Variants in SNX29 observed in about 807,000 individuals in gnomAD.
The protein encoded by SNX29 is sorting nexin 29, also known as sorting nexin-29.
Under a neutral mutation model 102.1 loss-of-function variants are expected in SNX29, and 78 were observed. The ratio of observed to expected loss-of-function variants is 0.76; its 90% CI spans 0.64 to 0.92. The LOEUF (loss-of-function observed/expected upper bound fraction) is 0.92. Ranked by LOEUF, SNX29 falls within the 40% of genes least tolerant of loss-of-function variation. The pLI, the probability that SNX29 is intolerant of heterozygous loss-of-function variation, is 0.00. For synonymous variants in SNX29, 580 were observed against 414.5 expected (o/e 1.40, Z -4.85); for missense variants, 1,280 against 1,061.7 (o/e 1.21, Z -2.86).
chr16:12,153,697 C>T (rs780534882), intron 13 of SNX29, among the ~76,000 whole-genome samples: 2 of 150,632 alleles, frequency 1.3e-5, no homozygotes, highest in East Asian at 2.0e-4. Flanking sequence ...AGGCTGGTCT[C>T]GAACTCATGG....
chr16:11,978,143 C>G (rs2055343120), intron 1 of SNX29, among the ~76,000 whole-genome samples: 1 of 152,004 alleles, frequency 6.6e-6, no homozygotes, highest in African/African-American at 2.4e-5. Context: ...GTGAAATGGA[C>G]AGTCCTAATA....
At chr16:12,475,498 G>A (rs1462116355) in intron 18 of SNX29, among the ~76,000 whole-genome samples, 1 of 152,178 alleles carries the variant, frequency 6.6e-6, no homozygotes, top group Non-Finnish European at 1.5e-5. Context: ...CTTGACTTAT[G>A]ATGGGGTTAT....
intron 1 of SNX29, among the ~76,000 whole-genome samples, chr16:11,983,944 G>GCA (rs1488681842): frequency 6.6e-6 from 1 of 152,146 alleles, no homozygotes; most frequent in Non-Finnish European, 1.5e-5. Flanking sequence ...GATGTATAAA[G>GCA]CACAGATAGG....
chr16:12,500,774 C>G (rs2089081205), intron 19 of SNX29, among the ~76,000 whole-genome samples: 1 of 152,198 alleles, frequency 6.6e-6, no homozygotes, highest in Admixed American at 6.5e-5. Flanking sequence ...TTCACAGGCC[C>G]CCAGGTGGGT....
At chr16:12,266,974 G>T (rs1021462592) in intron 14 of SNX29, among the ~76,000 whole-genome samples, 11 of 152,022 alleles carry the variant, frequency 7.2e-5, no homozygotes, top group Non-Finnish European at 4.4e-5. Flanking sequence ...TGTTGGCCAG[G>T]CTGGTCTCGA....
chr16:12,435,310 T>G (rs1212868944), intron 18 of SNX29, among the ~76,000 whole-genome samples: 1 of 152,204 alleles, frequency 6.6e-6, no homozygotes, highest in East Asian at 1.9e-4. Context: ...CACTTCTGCC[T>G]TACAACTGTT....
chr16:12,560,144 C>A (rs891209840), intron 20 of SNX29, among the ~76,000 whole-genome samples: 4 of 43,282 alleles, frequency 9.2e-5, no homozygotes, highest in Non-Finnish European at 3.6e-4. Flanking sequence ...CTCCCCCCCC[C>A]AACAAACAGT....
chr16:12,280,480 A>C (rs893471830), intron 15 of SNX29, among the ~76,000 whole-genome samples: 3 of 152,196 alleles, frequency 2.0e-5, no homozygotes, highest in African/African-American at 4.8e-5. Flanking sequence ...AGGTTGAGGC[A>C]TGAAGGTTCG....
At chr16:12,058,526 C>G (rs1183061538) in intron 8 of SNX29, among the ~76,000 whole-genome samples, 1 of 126,814 alleles carries the variant, frequency 7.9e-6, no homozygotes, top group Admixed American at 8.9e-5. Context: ...TGGAGTCTCG[C>G]TCTGTCACCC....
chr16:12,551,976 T>C (rs1473726124), intron 20 of SNX29, among the ~76,000 whole-genome samples: 1 of 152,134 alleles, frequency 6.6e-6, no homozygotes, highest in Non-Finnish European at 1.5e-5. Context: ...CCCAACACAG[T>C]GCCATGTCAA....
At chr16:12,448,676 C>T (rs1214041861) in intron 18 of SNX29, among the ~76,000 whole-genome samples, 3 of 152,142 alleles carry the variant, frequency 2.0e-5, no homozygotes, top group African/African-American at 4.8e-5. Flanking sequence ...GACTTTATCG[C>T]ATTCCACCCT....
intron 18 of SNX29, among the ~76,000 whole-genome samples, chr16:12,473,989 G>A (rs1414583249): frequency 1.3e-5 from 2 of 152,120 alleles, no homozygotes; most frequent in East Asian, 1.9e-4. Context: ...TAATCAACTT[G>A]CTTTCATTTT....
At chr16:12,125,674 T>A (rs1479468944) in intron 11 of SNX29, among the ~76,000 whole-genome samples, 1 of 128,306 alleles carries the variant, frequency 7.8e-6, no homozygotes, top group East Asian at 2.7e-4. Context: ...ACCAGGCTGG[T>A]CCTGAACTCC....
rs372462302 is a variant in SNX29, at chr16:12,571,773, C to T, written c.*3144C>T. 4.0e-6 allele frequency: 4 copies of T among 1,006,808 alleles called. No homozygotes were observed. Among genetic ancestry groups the T allele is most frequent in the South Asian group, 4.8e-5 (1 of 20,824 alleles). The allele number at this position is 1,006,808 out of a possible 1,614,324, so 62.4% of individuals were successfully genotyped here. On this transcript the variant is annotated 3_prime_UTR_variant, in exon 21 of 21. Coordinates refer to ENST00000566228, the MANE Select transcript of SNX29 (RefSeq NM_032167.5). ...CATCCACTCCTGATCTGAGACAGAA[C>T]CTTCTCCGCCACTCTTCCTGCAATC...
chr16:12,056,778 A>G (rs1320938571), intron 8 of SNX29, among the ~76,000 whole-genome samples: 1 of 151,904 alleles, frequency 6.6e-6, no homozygotes, highest in African/African-American at 2.4e-5. Flanking sequence ...TAGTATTTTT[A>G]TTACGGTCAG....
chr16:12,497,157 C>G (rs945625683), intron 19 of SNX29, among the ~76,000 whole-genome samples: 1 of 152,240 alleles, frequency 6.6e-6, no homozygotes, highest in African/African-American at 2.4e-5. Flanking sequence ...CTGGGGAGGA[C>G]AGCCACCTGG....
intron 16 of SNX29, among the ~76,000 whole-genome samples, chr16:12,377,575 C>A (rs565252431): frequency 6.6e-6 from 1 of 152,132 alleles, no homozygotes; most frequent in South Asian, 2.1e-4. Flanking sequence ...GATCACTCAA[C>A]GGGTAGGTTA....
rs138273918 is a variant in SNX29 at position 12,566,256 on chromosome 16, G to C, written c.2319-2250G>C. On this transcript the variant is annotated intron_variant, in intron 20 of 20. Transcript: ENST00000566228. ...CCAAATGACAGACAAGGAAACCAAGGGTCAGACAGCACTGCCCACAGCAGG... is the reference window on the plus strand; with the variant it reads ...CCAAATGACAGACAAGGAAACCAAGCGTCAGACAGCACTGCCCACAGCAGG... Among the ~76,000 whole-genome samples, 417 of 152,276 alleles carry C rather than the reference G, an allele frequency of 2.7e-3. 5 individuals carry two copies. In the South Asian group the frequency reaches 0.028, roughly 10 times the overall value.
intron 18 of SNX29, among the ~76,000 whole-genome samples, chr16:12,411,969 A>G (rs899534702): frequency 6.6e-5 from 10 of 152,210 alleles, no homozygotes; most frequent in Admixed American, 3.3e-4. Flanking sequence ...CCCGTGTTCA[A>G]AAAAACTGTA....
Sources: allele counts gnomAD v4.1 joint callset (sites outside exome capture counted in the v4.1 genomes callset), GRCh38; gene constraint gnomAD v4.1.1; transcripts MANE v1.5; gene names NCBI Gene and HGNC (gene_info 2026-07-23, HGNC 2026-07-21).